The following GRIK2 variants were observed in gnomAD, a reference collection of about 807,000 sequenced individuals.
The protein encoded by GRIK2 is glutamate ionotropic receptor kainate type subunit 2.
In GRIK2, 32 loss-of-function variants were observed where a neutral mutation model predicts 100.3. The ratio of observed to expected loss-of-function variants is 0.32; its 90% CI spans 0.24 to 0.43. The LOEUF (loss-of-function observed/expected upper bound fraction) is 0.43. GRIK2 is among the 20% of genes least tolerant of loss of function. GRIK2 has a pLI of 1.00. For missense variants in GRIK2, 843 were observed against 1,114.9 expected (o/e 0.76, Z 3.47); for synonymous variants, 417 against 389.4 (o/e 1.07, Z -0.83).
intron 2 of GRIK2, among the ~76,000 whole-genome samples, chr6:101,570,196 G>A (rs1777465461): frequency 6.6e-6 from 1 of 152,046 alleles, no homozygotes; most frequent in Admixed American, 6.6e-5. Context: ...GTTTGGGAAA[G>A]ATCATTTTAC....
intron 16 of GRIK2, chr6:102,065,840 T>C (rs1410220408): frequency 2.7e-6 from 4 of 1,500,426 alleles, no homozygotes; most frequent in African/African-American, 1.4e-5. Context: ...TTCCTCCCTA[T>C]TTTGGAGTCA....
intron 10 of GRIK2, among the ~76,000 whole-genome samples, chr6:101,842,777 T>C (rs1783592561): frequency 6.6e-6 from 1 of 152,190 alleles, no homozygotes; most frequent in African/African-American, 2.4e-5. Context: ...GCATATTCAG[T>C]GACATTGAAG....
chr6:101,879,678 A>AT (rs34632401), intron 11 of GRIK2, among the ~76,000 whole-genome samples: 95,743 of 147,254 alleles, frequency 0.65, 31,467 homozygotes, highest in Non-Finnish European at 0.71. Flanking sequence ...ATCTCACTAC[A>AT]TTTTTTTTTT....
At chr6:101,481,192 T>C (rs1772509342) in intron 2 of GRIK2, among the ~76,000 whole-genome samples, 1 of 152,160 alleles carries the variant, frequency 6.6e-6, no homozygotes, top group Admixed American at 6.6e-5. Context: ...TTAGTTGGGA[T>C]TAGAAGCTAA....
At chr6:101,758,116 G>T (rs1319147514) in intron 7 of GRIK2, among the ~76,000 whole-genome samples, 1 of 152,114 alleles carries the variant, frequency 6.6e-6, no homozygotes, top group East Asian at 1.9e-4. Context: ...CCAGCTACTT[G>T]GGAGGCTGAG....
chr6:101,549,566 T>G (rs1382231618), intron 2 of GRIK2, among the ~76,000 whole-genome samples: 1 of 152,122 alleles, frequency 6.6e-6, no homozygotes, highest in African/African-American at 2.4e-5. Context: ...TTATTTAATT[T>G]TATCTGATTT....
chr6:101,868,961 A>C (rs1785219510), intron 11 of GRIK2, among the ~76,000 whole-genome samples: 2 of 152,054 alleles, frequency 1.3e-5, no homozygotes, highest in Admixed American at 6.6e-5. Context: ...ATAGTACAAC[A>C]ATAGAGATAT....
At chr6:101,788,201 ATTTC>A (rs1339554826) in intron 7 of GRIK2, among the ~76,000 whole-genome samples, 2 of 149,970 alleles carry the variant, frequency 1.3e-5, no homozygotes, top group Non-Finnish European at 3.0e-5. Context: ...AGTGAGATGA[ATTTC>A]TTTCTTTTTT....
At chr6:101,934,465 G>T (rs1261535966) in intron 14 of GRIK2, among the ~76,000 whole-genome samples, 1 of 151,814 alleles carries the variant, frequency 6.6e-6, no homozygotes, top group Non-Finnish European at 1.5e-5. Context: ...AGTATATGGT[G>T]GGGTGATAGT....
chr6:101,534,836 T>C (rs1173830864), intron 2 of GRIK2, among the ~76,000 whole-genome samples: 1 of 151,770 alleles, frequency 6.6e-6, no homozygotes, highest in East Asian at 1.9e-4. Context: ...ATGACTTTTT[T>C]TTTCAAAGCT....
chr6:101,618,956 A>C (rs1358611052), intron 2 of GRIK2, among the ~76,000 whole-genome samples: 2 of 150,040 alleles, frequency 1.3e-5, no homozygotes, highest in African/African-American at 4.9e-5. Context: ...TTTCCAAAAA[A>C]GTATTTTTAA....
At chr6:101,891,505 G>C (rs1441823551) in intron 12 of GRIK2, 2 of 353,380 alleles carry the variant, frequency 5.7e-6, no homozygotes, top group African/African-American at 5.4e-5. Flanking sequence ...AGATATAGCA[G>C]GACTCCATCT....
chr6:101,860,280 T>G (rs1188309724), intron 11 of GRIK2, among the ~76,000 whole-genome samples: 1 of 152,088 alleles, frequency 6.6e-6, no homozygotes, highest in African/African-American at 2.4e-5. Context: ...TCAGACAGGT[T>G]GGGAAGCATA....
At chr6:101,685,278 G>T (rs751046286) in intron 6 of GRIK2, among the ~76,000 whole-genome samples, 3 of 152,036 alleles carry the variant, frequency 2.0e-5, no homozygotes, top group African/African-American at 4.8e-5. Flanking sequence ...TCATAGCACA[G>T]ACTAGAGCTC....
chr6:101,727,350 T>C (rs1230762688), intron 7 of GRIK2, among the ~76,000 whole-genome samples: 2 of 152,078 alleles, frequency 1.3e-5, no homozygotes, highest in Admixed American at 1.3e-4. Flanking sequence ...TCCCCAGTAA[T>C]ACAGAGCTAG....
At chr6:101,659,404 G>T (rs1229693726) in intron 4 of GRIK2, among the ~76,000 whole-genome samples, 1 of 152,054 alleles carries the variant, frequency 6.6e-6, no homozygotes, top group Non-Finnish European at 1.5e-5. Context: ...TGCTCTTTTG[G>T]TTACTGTAGC....
At chr6:101,781,302 G>A (rs1779079016) in intron 7 of GRIK2, among the ~76,000 whole-genome samples, 1 of 152,048 alleles carries the variant, frequency 6.6e-6, no homozygotes, top group East Asian at 1.9e-4. Flanking sequence ...CCAGGACAAC[G>A]ACTGGAAATG....
chr6:101,844,945 A>G (rs1245621947), intron 10 of GRIK2, among the ~76,000 whole-genome samples: 3 of 152,152 alleles, frequency 2.0e-5, no homozygotes, highest in South Asian at 4.1e-4. Context: ...GATCATTTTC[A>G]TAACCCCTAA....
intron 2 of GRIK2, among the ~76,000 whole-genome samples, chr6:101,591,578 G>GTAAA (rs2128306743): frequency 6.6e-6 from 1 of 151,704 alleles, no homozygotes; most frequent in Admixed American, 6.6e-5. Flanking sequence ...TTTAAAAAAT[G>GTAAA]TTTTAAGACT....
Sources: allele counts gnomAD v4.1 joint callset (sites outside exome capture counted in the v4.1 genomes callset), GRCh38; gene constraint gnomAD v4.1.1; transcripts MANE v1.5; gene names NCBI Gene and HGNC (gene_info 2026-07-23, HGNC 2026-07-21).